Variants in PHF12 observed in about 807,000 individuals in gnomAD.
PHF12 encodes PHD factor 1.
A neutral mutation model predicts 99.8 loss-of-function variants in PHF12; 6 were observed. That is an observed-to-expected ratio of 0.06 (90% CI 0.03 to 0.12). PHF12 has a LOEUF of 0.12. Among genes scored for constraint, PHF12 ranks in the 10% least tolerant of loss-of-function variants. The pLI is 1.00. For missense variants in PHF12, 954 were observed against 1,300.1 expected (o/e 0.73, Z 4.09); for synonymous variants, 480 against 514.9 (o/e 0.93, Z 0.92).
At position 28,949,893 on chromosome 17, in the gene PHF12, C is replaced by T; in HGVS notation, c.248+172G>A. ...CCCACCGCTGCTCCTCCCCGCTAAA[C>T]TGCCAGAACCCGGCGGACACCTGGG... is the stretch of plus-strand genomic sequence containing the variant. On this transcript the variant is annotated intron_variant, in intron 2 of 14. Coordinates refer to ENST00000332830, the MANE Select transcript of PHF12 (RefSeq NM_001033561.2). The surrounding 1 kb of genome is among the most constrained non-coding windows in gnomAD (Gnocchi z 4.6). The T allele has an allele frequency of 2.8e-6, 2 of 725,864 alleles. No individual in the cohort carries two copies. Among genetic ancestry groups the T allele is most frequent in the Non-Finnish European group, 4.4e-6 (2 of 456,674 alleles). 45.0% of individuals were successfully genotyped at this position (725,864 alleles called of 1,614,324 possible).
intron 6 of PHF12, among the ~76,000 whole-genome samples, chr17:28,918,695 C>A (rs1222264704): frequency 6.6e-6 from 1 of 152,200 alleles, no homozygotes; most frequent in African/African-American, 2.4e-5. Context: ...TTTCTAGCCT[C>A]AGTCTGGAAA....
intron 12 of PHF12, 153 bp downstream of exon 12, chr17:28,908,630 A>C: frequency 1.4e-6 from 1 of 711,856 alleles, no homozygotes. Flanking sequence ...GATTGTCTCT[A>C]TTCTTAGTTT....
Position 28,951,097 on chromosome 17 carries a change from C to T in PHF12, c.-137G>A. The T allele has an allele frequency of 6.8e-7, 1 of 1,467,318 alleles. No individual in the cohort carries two copies. Among genetic ancestry groups the T allele is most frequent in the South Asian group, 1.3e-5 (1 of 74,092 alleles). 90.9% of individuals were successfully genotyped at this position (1,467,318 alleles called of 1,614,324 possible). A position where few individuals can be genotyped will look rare whatever the true frequency, so the allele number is the denominator to read the frequency against. On this transcript the variant is annotated 5_prime_UTR_variant, in exon 1 of 15. Transcript: ENST00000332830. ...ACGGGTCCCGACTTCCTCGCCCTGGCTCCCCCCCACCCCCCGGCCCCCAGT... is the reference window on the plus strand; with the variant it reads ...ACGGGTCCCGACTTCCTCGCCCTGGTTCCCCCCCACCCCCCGGCCCCCAGT...
chr17:28,934,749 C>T (rs551101707), intron 2 of PHF12, among the ~76,000 whole-genome samples: 6 of 151,884 alleles, frequency 4.0e-5, no homozygotes, highest in Admixed American at 6.6e-5. Context: ...TACAGGCACC[C>T]GCCACCACGC....
chr17:28,937,151 G>A (rs887323957), intron 2 of PHF12, among the ~76,000 whole-genome samples: 1 of 152,208 alleles, frequency 6.6e-6, no homozygotes, highest in Non-Finnish European at 1.5e-5. Flanking sequence ...TAAATTAAAA[G>A]TTGCATTAAT....
intron 2 of PHF12, among the ~76,000 whole-genome samples, chr17:28,942,931 T>A (rs896737731): frequency 6.6e-6 from 1 of 152,092 alleles, no homozygotes; most frequent in African/African-American, 2.4e-5. Flanking sequence ...ACAAGGAACT[T>A]ATATTTACAA....
intron 6 of PHF12, among the ~76,000 whole-genome samples, chr17:28,917,750 G>C (rs1056311277): frequency 6.6e-6 from 1 of 152,206 alleles, no homozygotes; most frequent in Non-Finnish European, 1.5e-5. Context: ...ACAGTCTTCT[G>C]TTCCAGCTCA....
At position 28,907,689 on chromosome 17, in the gene PHF12, G is replaced by GT. The variant is rs1399827150; in HGVS notation, c.2459-18dup. 6.2e-7 allele frequency: 1 copy of GT among 1,610,926 alleles called. No homozygotes were observed. The highest frequency in any genetic ancestry group is 1.3e-5 in the African/African-American group (1 of 74,874). On this transcript the variant is annotated splice_polypyrimidine_tract_variant and intron_variant, in intron 12 of 14. Transcript: ENST00000332830. ...TGTCAGCTCCTGCAAGGTGGCAGGA[G>GT]TAGAGGAAAAGGAAGGCAGAGAACA...
chr17:28,943,060 A>G (rs2040649761), intron 2 of PHF12, among the ~76,000 whole-genome samples: 2 of 152,212 alleles, frequency 1.3e-5, no homozygotes, highest in Admixed American at 1.3e-4. Context: ...CATGAAAAAA[A>G]GTTTAACATC....
chr17:28,911,352 A>C (rs752462143), intron 9 of PHF12, 115 bp from the exon 10 acceptor site: 5 of 1,412,354 alleles, frequency 3.5e-6, no homozygotes, highest in Non-Finnish European at 4.8e-6. Context: ...TCCCTTCTTG[A>C]TTCTCAACCC....
chr17:28,912,712 G>T lies in PHF12; in HGVS notation c.1859C>A (p.Pro620His). Residue 620 changes from proline (P) to histidine (H), a missense_variant, in exon 9 of 15, where the codon CCT becomes CAT. Physicochemically the swap from Pro to His is moderately conservative, Grantham distance 77 (BLOSUM62 -2). Coordinates refer to ENST00000332830, the MANE Select transcript of PHF12 (RefSeq NM_001033561.2). Reference protein sequence around the residue: ...PSSCPQRSLVPVPSLPPSIPS... With the variant: ...PSSCPQRSLVHVPSLPPSIPS... Reference sequence around the variant, plus strand: ...AATGGAAGGGGGCAGGCTTGGGACAGGAACCAAACTCCTCTGGGGGCAAGA... The same window carrying T: ...AATGGAAGGGGGCAGGCTTGGGACATGAACCAAACTCCTCTGGGGGCAAGA... The T allele has an allele frequency of 6.2e-7, 1 of 1,614,236 alleles. No individual in the cohort carries two copies. Among genetic ancestry groups the T allele is most frequent in the Non-Finnish European group, 8.5e-7 (1 of 1,180,042 alleles).
intron 2 of PHF12, among the ~76,000 whole-genome samples, chr17:28,932,581 A>T (rs1270186569): frequency 1.3e-5 from 2 of 152,186 alleles, no homozygotes; most frequent in African/African-American, 4.8e-5. Context: ...CCAGGGAGAA[A>T]GGAGATTCTG....
intron 2 of PHF12, among the ~76,000 whole-genome samples, chr17:28,934,970 C>T (rs1390494221): frequency 2.0e-5 from 3 of 152,180 alleles, no homozygotes; most frequent in Non-Finnish European, 4.4e-5. Flanking sequence ...GAATAGTTGT[C>T]TTCTGTACCT....
In PHF12 at chr17:28,906,997, G is replaced by A. The variant is rs778748621; in HGVS notation, c.2542-3C>T. 16 of 1,595,824 alleles carry A rather than the reference G, an allele frequency of 1.0e-5. No homozygotes were observed. Among genetic ancestry groups the A allele is most frequent in the Non-Finnish European group, 1.3e-5 (15 of 1,170,146 alleles). ...AACAGCTCATAATGTTTGGTATTCTGAGGAGGAGGAGGGGAGATAAGATGT... is the reference window on the plus strand; with the variant it reads ...AACAGCTCATAATGTTTGGTATTCTAAGGAGGAGGAGGGGAGATAAGATGT... On this transcript the variant is annotated splice_region_variant and splice_polypyrimidine_tract_variant and intron_variant, in intron 13 of 14. Coordinates refer to ENST00000332830, the MANE Select transcript of PHF12 (RefSeq NM_001033561.2). This position sits in a 1 kb window ranked among gnomAD's most constrained non-coding sequence, Gnocchi z 4.2.
chr17:28,939,507 C>T (rs917017937), intron 2 of PHF12, among the ~76,000 whole-genome samples: 1 of 152,212 alleles, frequency 6.6e-6, no homozygotes, highest in Non-Finnish European at 1.5e-5. Context: ...CCCTCTAAAG[C>T]TGAGAATCAG....
chr17:28,951,179 C>T lies in PHF12; in HGVS notation c.-219G>A, dbSNP rs1053239347. 8 of 1,416,538 alleles carry T rather than the reference C, an allele frequency of 5.6e-6. No homozygotes were observed. Among genetic ancestry groups the T allele is most frequent in the African/African-American group, 1.5e-5 (1 of 68,528 alleles). The allele number at this position is 1,416,538 out of a possible 1,614,324, so 87.7% of individuals were successfully genotyped here. A position where few individuals can be genotyped will look rare whatever the true frequency, so the allele number is the denominator to read the frequency against. On this transcript the variant is annotated 5_prime_UTR_variant, in exon 1 of 15. Coordinates refer to ENST00000332830, the MANE Select transcript of PHF12 (RefSeq NM_001033561.2). ...GCGAGGGGGGAGCGGCCCCTCAGTCCCGGCCCGGCTGCTGGCTGCACAGTG... is the reference window on the plus strand; with the variant it reads ...GCGAGGGGGGAGCGGCCCCTCAGTCTCGGCCCGGCTGCTGGCTGCACAGTG...
intron 2 of PHF12, among the ~76,000 whole-genome samples, chr17:28,931,039 C>T (rs2040390550): frequency 1.3e-5 from 2 of 152,050 alleles, no homozygotes; most frequent in Non-Finnish European, 2.9e-5. Context: ...CCAGTTTGGG[C>T]AACAGAGTGA....
intron 2 of PHF12, chr17:28,927,697 A>G (rs147179646): frequency 2.1e-3 from 316 of 152,690 alleles, no homozygotes; most frequent in Non-Finnish European, 3.1e-3. Flanking sequence ...TGCAACTTCC[A>G]AAGCTTGGCC....
chr17:28,907,790 AAGGGTGAGTAGCTCAGG>A (rs1567946659), intron 12 of PHF12, 118 bp from the exon 13 acceptor site: 3 of 821,114 alleles, frequency 3.7e-6, no homozygotes, highest in South Asian at 2.9e-5. Flanking sequence ...CAGAGACTTC[AAGGGTGAGTAGCTCAGG>A]GCCCTCCCCT....
Sources: allele counts gnomAD v4.1 joint callset (sites outside exome capture counted in the v4.1 genomes callset), GRCh38; gene constraint gnomAD v4.1.1; non-coding constraint Gnocchi (gnomAD v3.1); transcripts MANE v1.5; gene names NCBI Gene and HGNC (gene_info 2026-07-23, HGNC 2026-07-21).